FHOD3: variants seen among roughly 807,000 people sequenced by gnomAD.
FHOD3 encodes FH1/FH2 domain-containing protein 3.
FHOD3 carries 90 observed loss-of-function variants against 173.0 expected under a neutral mutation model. The ratio of observed to expected loss-of-function variants is 0.52; its 90% CI spans 0.44 to 0.62. The LOEUF is 0.62. Ranked by LOEUF, FHOD3 falls within the 20% of genes least tolerant of loss-of-function variation. FHOD3 has a pLI of 0.00. For synonymous variants in FHOD3, 828 were observed against 823.0 expected (o/e 1.01, Z -0.10); for missense variants, 1,945 against 2,034.7 (o/e 0.96, Z 0.85).
chr18:36,639,400 T>C lies in FHOD3; in HGVS notation c.1197-9916T>C, dbSNP rs564680435. ...CTAAAAATACAAAAAAGGCAGGGTG[T>C]GGTGGCTCACCTCTGTAATCCCAGC... On this transcript the variant is annotated intron_variant, in intron 10 of 28. Transcript: ENST00000590592. Among the ~76,000 whole-genome samples the C allele has an allele frequency of 5.9e-5, 9 of 152,064 alleles. No homozygotes were observed. In the East Asian group the frequency reaches 7.7e-4, roughly 13 times the overall value.
intron 1 of FHOD3, among the ~76,000 whole-genome samples, chr18:36,330,271 C>G (rs143925279): frequency 1.4e-3 from 212 of 152,260 alleles, no homozygotes; most frequent in Non-Finnish European, 2.5e-3. Flanking sequence ...ATGTAAGCTT[C>G]TTGACATGTG....
chr18:36,518,826 C>T (rs959182032), intron 5 of FHOD3, among the ~76,000 whole-genome samples: 1 of 152,064 alleles, frequency 6.6e-6, no homozygotes, highest in African/African-American at 2.4e-5. Context: ...GTAGTTGAAA[C>T]CTCTGCTTTA....
chr18:36,692,498 G>C (rs763123080), intron 16 of FHOD3, among the ~76,000 whole-genome samples: 1 of 152,332 alleles, frequency 6.6e-6, no homozygotes, highest in Middle Eastern at 3.4e-3. Context: ...AATATGATTG[G>C]TAGCTGGTCT....
At chr18:36,742,671 A>C (rs2041960116) in intron 21 of FHOD3, 66 bp from the exon 22 acceptor site, 1 of 1,540,150 alleles carries the variant, frequency 6.5e-7, no homozygotes, top group Non-Finnish European at 8.8e-7. Context: ...TTATACAAAA[A>C]GTCAGAAGAA....
At chr18:36,710,632 A>T (rs2040120560) in intron 18 of FHOD3, 1 of 152,366 alleles carries the variant, frequency 6.6e-6, no homozygotes, top group African/African-American at 2.4e-5. Flanking sequence ...AAACAAGAAG[A>T]TAAAAGACTT....
At chr18:36,518,970 C>G (rs1367563896) in intron 5 of FHOD3, among the ~76,000 whole-genome samples, 1 of 152,196 alleles carries the variant, frequency 6.6e-6, no homozygotes, top group East Asian at 1.9e-4. Context: ...GGCAGGGAAG[C>G]TGCAGCCTGT....
chr18:36,372,610 T>A (rs1300014219), intron 2 of FHOD3, 70 bp from the exon 3 acceptor site: 1 of 1,342,150 alleles, frequency 7.5e-7, no homozygotes, highest in Non-Finnish European at 1.1e-6. Flanking sequence ...AACCTTCACG[T>A]GGATTGACAG....
chr18:36,323,852 C>T (rs1477639938), intron 1 of FHOD3, among the ~76,000 whole-genome samples: 1 of 152,220 alleles, frequency 6.6e-6, no homozygotes, highest in African/African-American at 2.4e-5. Flanking sequence ...TAGACCAATC[C>T]TACTTCTGAA....
At chr18:36,313,679 A>C (rs1479290254) in intron 1 of FHOD3, among the ~76,000 whole-genome samples, 3 of 152,214 alleles carry the variant, frequency 2.0e-5, no homozygotes, top group Non-Finnish European at 4.4e-5. Flanking sequence ...ACTCACTGAA[A>C]GACACCTGGG....
intron 1 of FHOD3, among the ~76,000 whole-genome samples, chr18:36,307,122 C>T (rs2092121942): frequency 6.6e-6 from 1 of 152,128 alleles, no homozygotes; most frequent in South Asian, 2.1e-4. Context: ...CGCCACCATG[C>T]CTGGCTAATT....
chr18:36,548,115 C>A (rs1378113278), intron 5 of FHOD3, among the ~76,000 whole-genome samples: 3 of 152,066 alleles, frequency 2.0e-5, no homozygotes, highest in Non-Finnish European at 4.4e-5. Flanking sequence ...TCGCTTGAAC[C>A]CAGGAGGCGG....
intron 6 of FHOD3, among the ~76,000 whole-genome samples, chr18:36,582,775 A>G (rs942322035): frequency 6.6e-6 from 1 of 152,244 alleles, no homozygotes; most frequent in African/African-American, 2.4e-5. Flanking sequence ...TTCTTCCACA[A>G]ATCCCACCTC....
chr18:36,732,660 T>A (rs561095165), intron 20 of FHOD3, among the ~76,000 whole-genome samples: 1 of 151,956 alleles, frequency 6.6e-6, no homozygotes, highest in Non-Finnish European at 1.5e-5. Flanking sequence ...GCAGGGGACA[T>A]GAAGGAGTGA....
chr18:36,599,528 T>G (rs925198473), intron 7 of FHOD3, among the ~76,000 whole-genome samples: 4 of 152,188 alleles, frequency 2.6e-5, no homozygotes, highest in East Asian at 1.9e-4. Flanking sequence ...GCATCCACAT[T>G]GAGTGTGTTT....
intron 8 of FHOD3, among the ~76,000 whole-genome samples, chr18:36,610,172 G>T (rs2032527436): frequency 6.6e-6 from 1 of 152,294 alleles, no homozygotes; most frequent in African/African-American, 2.4e-5. Context: ...TTTTAATTCT[G>T]ATGCTAGATG....
chr18:36,304,727 T>C (rs1164323612), intron 1 of FHOD3, among the ~76,000 whole-genome samples: 1 of 152,232 alleles, frequency 6.6e-6, no homozygotes, highest in African/African-American at 2.4e-5. Flanking sequence ...ACATAAACTA[T>C]TAGCTTAGTA....
At chr18:36,615,718 A>T (rs190995049) in intron 9 of FHOD3, among the ~76,000 whole-genome samples, 4 of 152,338 alleles carry the variant, frequency 2.6e-5, no homozygotes, top group East Asian at 3.9e-4. Flanking sequence ...TATGAGGAAG[A>T]TATTCATTCA....
At chr18:36,336,733 C>A (rs1598752953) in intron 1 of FHOD3, among the ~76,000 whole-genome samples, 1 of 148,864 alleles carries the variant, frequency 6.7e-6, no homozygotes, top group East Asian at 2.0e-4. Flanking sequence ...CCTGTAATCC[C>A]AGCTACTTGG....
intron 3 of FHOD3, among the ~76,000 whole-genome samples, chr18:36,440,459 TG>T (rs2051072326): frequency 6.6e-6 from 1 of 152,006 alleles, no homozygotes; most frequent in African/African-American, 2.4e-5. Flanking sequence ...CGTGGGGCAC[TG>T]TCCCAGCTGG....
Sources: gnomAD v4.1 joint callset for allele counts (sites outside exome capture counted in the v4.1 genomes callset) on GRCh38, gnomAD v4.1.1 for gene constraint, MANE v1.5 for transcripts, NCBI Gene and HGNC (gene_info 2026-07-23, HGNC 2026-07-21) for gene names.